VTI1A: variants seen among roughly 807,000 people sequenced by gnomAD.
VTI1A encodes vesicle transport through interaction with t-SNAREs homolog 1A.
A neutral mutation model predicts 34.9 loss-of-function variants in VTI1A; 22 were observed. The ratio of observed to expected loss-of-function variants is 0.63; its 90% CI spans 0.45 to 0.90. The LOEUF is 0.90. VTI1A is among the 40% of genes least tolerant of loss of function. The pLI is 0.00. For synonymous variants in VTI1A, 87 were observed against 97.3 expected (o/e 0.89, Z 0.62); for missense variants, 268 against 275.6 (o/e 0.97, Z 0.20).
chr10:112,591,256 C>A (rs1844375172), intron 5 of VTI1A, among the ~76,000 whole-genome samples: 1 of 152,168 alleles, frequency 6.6e-6, no homozygotes, highest in African/African-American at 2.4e-5. Flanking sequence ...CGTGGTGGCT[C>A]ACGCCTGTAA....
At chr10:112,496,186 C>G (rs954138091) in intron 3 of VTI1A, among the ~76,000 whole-genome samples, 2 of 6,178 alleles carry the variant, frequency 3.2e-4, no homozygotes, top group Non-Finnish European at 8.6e-4. Context: ...AATGGGGAGA[C>G]CCCCCCCCCC....
At chr10:112,585,554 C>A (rs1844115372) in intron 5 of VTI1A, among the ~76,000 whole-genome samples, 1 of 151,954 alleles carries the variant, frequency 6.6e-6, no homozygotes, top group Non-Finnish European at 1.5e-5. Flanking sequence ...GTTTCCTTTT[C>A]TACTTCCCAG....
chr10:112,589,552 AG>A (rs976623844), intron 5 of VTI1A, among the ~76,000 whole-genome samples: 1 of 152,202 alleles, frequency 6.6e-6, no homozygotes, highest in African/African-American at 2.4e-5. Flanking sequence ...GGAAAAAAGG[AG>A]GGGATATGAA....
intron 5 of VTI1A, among the ~76,000 whole-genome samples, chr10:112,575,881 T>C (rs545675669): frequency 6.6e-6 from 1 of 152,302 alleles, no homozygotes; most frequent in South Asian, 2.1e-4. Context: ...TTAGATGATA[T>C]CTTGTTGAAG....
intron 7 of VTI1A, among the ~76,000 whole-genome samples, chr10:112,681,129 A>G (rs1848198494): frequency 6.7e-6 from 1 of 149,320 alleles, no homozygotes; most frequent in East Asian, 2.0e-4. Context: ...AGCTTAGGGT[A>G]CAGTGGCCCA....
At chr10:112,468,569 C>T (rs1044090706) in intron 3 of VTI1A, among the ~76,000 whole-genome samples, 1 of 152,130 alleles carries the variant, frequency 6.6e-6, no homozygotes, top group Middle Eastern at 3.2e-3. Flanking sequence ...GAGGACAACT[C>T]AATACTGTTT....
At chr10:112,828,386 T>C in the VTI1A span, among the ~76,000 whole-genome samples, 13 of 152,206 alleles carry the variant, frequency 8.5e-5, no homozygotes, top group African/African-American at 3.1e-4. Flanking sequence ...AAATTCATTT[T>C]AAAAATGTTT....
chr10:112,750,729 A>G (rs552153536), intron 7 of VTI1A, among the ~76,000 whole-genome samples: 3 of 152,136 alleles, frequency 2.0e-5, no homozygotes, highest in Non-Finnish European at 4.4e-5. Flanking sequence ...GTCATCCCTC[A>G]TTTATTTTTT....
intron 3 of VTI1A, among the ~76,000 whole-genome samples, chr10:112,504,121 G>T (rs1050988111): frequency 8.5e-5 from 13 of 152,170 alleles, no homozygotes; most frequent in Non-Finnish European, 1.6e-4. Flanking sequence ...TTGTTGCACT[G>T]TTGGAAAACT....
chr10:112,631,758 A>G (rs1846138765), intron 5 of VTI1A, among the ~76,000 whole-genome samples: 1 of 152,206 alleles, frequency 6.6e-6, no homozygotes, highest in African/African-American at 2.4e-5. Flanking sequence ...AAGCTCTGGA[A>G]CAAAAGGTCT....
chr10:112,710,699 G>T (rs1388114141), intron 7 of VTI1A, among the ~76,000 whole-genome samples: 1 of 152,008 alleles, frequency 6.6e-6, no homozygotes, highest in Non-Finnish European at 1.5e-5. Flanking sequence ...TTTTTTCCCG[G>T]GTCAGTAGCA....
chr10:112,602,717 G>A (rs1483539451), intron 5 of VTI1A, among the ~76,000 whole-genome samples: 2 of 152,194 alleles, frequency 1.3e-5, no homozygotes, highest in Non-Finnish European at 2.9e-5. Flanking sequence ...TATAAAGGAT[G>A]CATACACTGG....
chr10:112,600,356 C>G (rs1844833958), intron 5 of VTI1A, among the ~76,000 whole-genome samples: 1 of 152,204 alleles, frequency 6.6e-6, no homozygotes, highest in Non-Finnish European at 1.5e-5. Context: ...TCATATTTAG[C>G]ATAAAATCTC....
chr10:112,569,312 G>A (rs1217424831), intron 5 of VTI1A, among the ~76,000 whole-genome samples: 1 of 152,092 alleles, frequency 6.6e-6, no homozygotes, highest in African/African-American at 2.4e-5. Flanking sequence ...ATTATCTTAC[G>A]GGGTAAGTAC....
chr10:112,722,969 G>C (rs910343565), intron 7 of VTI1A, among the ~76,000 whole-genome samples: 1 of 152,182 alleles, frequency 6.6e-6, no homozygotes, highest in Non-Finnish European at 1.5e-5. Flanking sequence ...GTGTCTTACA[G>C]TGGTTCACAC....
At chr10:112,631,060 T>A (rs1461445991) in intron 5 of VTI1A, among the ~76,000 whole-genome samples, 1 of 150,702 alleles carries the variant, frequency 6.6e-6, no homozygotes, top group Non-Finnish European at 1.5e-5. Context: ...AGCCGGGAGG[T>A]GGAGGTTGCA....
At position 112,517,032 on chromosome 10, in the gene VTI1A, G is replaced by T. The variant is rs145669185; in HGVS notation, c.265-10055G>T. ...TCCTAGGTGATAGTTTGAACAATAG[G>T]TATGAATGAGATCACTCAGATGAGT... On this transcript the variant is annotated intron_variant, in intron 3 of 7. Coordinates refer to ENST00000393077, the MANE Select transcript of VTI1A (RefSeq NM_145206.4). Among the ~76,000 whole-genome samples, 14 of 152,168 alleles carry T rather than the reference G, an allele frequency of 9.2e-5. No homozygotes were observed. The East Asian group carries it at 2.7e-3, about 29-fold the overall frequency.
At chr10:112,471,382 T>C (rs1317517349) in intron 3 of VTI1A, among the ~76,000 whole-genome samples, 1 of 151,032 alleles carries the variant, frequency 6.6e-6, no homozygotes, top group Non-Finnish European at 1.5e-5. Flanking sequence ...TTTTTTTTTT[T>C]TTTTTTGCTT....
At chr10:112,695,105 GTCTT>G (rs956706645) in intron 7 of VTI1A, among the ~76,000 whole-genome samples, 30 of 152,010 alleles carry the variant, frequency 2.0e-4, no homozygotes, top group African/African-American at 7.0e-4. Context: ...TTTGAGCTTT[GTCTT>G]TCTATTAATT....
Sources: gnomAD v4.1 joint callset for allele counts (sites outside exome capture counted in the v4.1 genomes callset) on GRCh38, gnomAD v4.1.1 for gene constraint, MANE v1.5 for transcripts, NCBI Gene and HGNC (gene_info 2026-07-23, HGNC 2026-07-21) for gene names.